The following MYO5B variants were observed in gnomAD, a reference collection of about 807,000 sequenced individuals.
MYO5B encodes the protein myosin VB, also known as unconventional myosin-Vb.
In MYO5B, 143 loss-of-function variants were observed where a neutral mutation model predicts 229.3. The observed-to-expected ratio is 0.62, with a 90% CI of 0.54 to 0.72. The LOEUF (loss-of-function observed/expected upper bound fraction) is 0.72. Among genes scored for constraint, MYO5B ranks in the 30% least tolerant of loss-of-function variants. The pLI, the probability that MYO5B is intolerant of heterozygous loss-of-function variation, is 0.00. For missense variants in MYO5B, 2,321 were observed against 2,331.0 expected (o/e 1.00, Z 0.09); for synonymous variants, 918 against 885.2 (o/e 1.04, Z -0.66).
intron 1 of MYO5B, among the ~76,000 whole-genome samples, chr18:50,075,595 T>TCCTA (rs890413173): frequency 6.6e-6 from 1 of 152,120 alleles, no homozygotes; most frequent in Non-Finnish European, 1.5e-5. Context: ...CAAGCCTAGA[T>TCCTA]CCTAGTGTGA....
chr18:49,982,808 AG>A (rs1568058197), intron 8 of MYO5B, among the ~76,000 whole-genome samples: 2 of 152,238 alleles, frequency 1.3e-5, no homozygotes, highest in Non-Finnish European at 2.9e-5. Context: ...CAATTAAAAA[AG>A]GGACATGTTT....
chr18:49,924,024 T>C (rs2025103355), intron 17 of MYO5B, among the ~76,000 whole-genome samples: 1 of 152,182 alleles, frequency 6.6e-6, no homozygotes, highest in Admixed American at 6.5e-5. Flanking sequence ...TCTTGTACAG[T>C]GATCCTCAAC....
intron 16 of MYO5B, among the ~76,000 whole-genome samples, chr18:49,932,968 G>A (rs1027510494): frequency 1.3e-5 from 2 of 152,152 alleles, no homozygotes; most frequent in Non-Finnish European, 2.9e-5. Flanking sequence ...AATCACCAAA[G>A]ACATAGAAGG....
Position 50,040,282 on chromosome 18 carries a change from G to T in MYO5B, c.171C>A (p.Asn57Lys). ...CTGGATTCCGTAAGAAGGGCAGCTG[G>T]TTGCGTTGTACATCAATTGGGTATT... is the stretch of plus-strand genomic sequence containing the variant. Reference protein sequence around the residue: ...ILEYPIDVQRNQLPFLRNPDI... With the variant: ...ILEYPIDVQRKQLPFLRNPDI... The change falls in exon 3 of 40, where the codon AAC becomes AAA. Residue 57 changes from asparagine (N) to lysine (K), a missense_variant. Coordinates refer to ENST00000285039, the MANE Select transcript of MYO5B (RefSeq NM_001080467.3). 6.2e-7 allele frequency: 1 copy of T among 1,614,066 alleles called. No homozygotes were observed. The highest frequency in any genetic ancestry group is 8.5e-7 in the Non-Finnish European group (1 of 1,180,000).
chr18:49,850,389 G>T (rs1324954160), intron 31 of MYO5B: 1 of 152,908 alleles, frequency 6.5e-6, no homozygotes, highest in Admixed American at 6.5e-5. Flanking sequence ...CACATTGGGT[G>T]ACAACTTTTT....
intron 1 of MYO5B, among the ~76,000 whole-genome samples, chr18:50,189,949 T>C (rs895127216): frequency 6.6e-6 from 1 of 152,164 alleles, no homozygotes; most frequent in Non-Finnish European, 1.5e-5. Context: ...GCCATACATA[T>C]GGTGTGTCTG....
At chr18:50,044,850 G>C (rs920485697) in intron 2 of MYO5B, among the ~76,000 whole-genome samples, 6 of 151,990 alleles carry the variant, frequency 3.9e-5, no homozygotes, top group Non-Finnish European at 1.5e-5. Context: ...CTTTGTCCAG[G>C]GGGGTTTGGG....
chr18:49,905,389 C>T (rs758021950), intron 19 of MYO5B, among the ~76,000 whole-genome samples: 1 of 152,126 alleles, frequency 6.6e-6, no homozygotes, highest in African/African-American at 2.4e-5. Context: ...CCTCTCTTGC[C>T]TTTCTGCCTT....
At chr18:50,112,343 A>G (rs760859771) in intron 1 of MYO5B, among the ~76,000 whole-genome samples, 7 of 152,184 alleles carry the variant, frequency 4.6e-5, no homozygotes, top group Non-Finnish European at 8.8e-5. Flanking sequence ...GCTATTAAGG[A>G]TAAATATGGA....
In MYO5B at chr18:49,984,807, A is replaced by G; in HGVS notation, c.857T>C (p.Phe286Ser). The G allele has an allele frequency of 6.2e-7, 1 of 1,612,734 alleles. No individual in the cohort carries two copies. The highest frequency in any genetic ancestry group is 8.5e-7 in the Non-Finnish European group (1 of 1,178,744). ...AGTGTCTCCTCCCTGTGATGTATAG[A>G]AAAAGTCCTCTGCACTTGCTGTGGG... ...ELALTSAEDFFYTSQGGDTSI... is the reference protein window; with the variant it reads ...ELALTSAEDFSYTSQGGDTSI... The change falls in exon 8 of 40, where the codon TTC (phenylalanine) becomes TCC (serine). Residue 286 changes from phenylalanine to serine, a missense_variant. This residue lies in a region of MYO5B where 2,113 missense variants were observed against 2,044.7 expected (regional missense o/e 1.03). Transcript: ENST00000285039.
intron 31 of MYO5B, among the ~76,000 whole-genome samples, chr18:49,853,059 C>A (rs563356625): frequency 1.3e-5 from 2 of 152,328 alleles, no homozygotes; most frequent in South Asian, 4.1e-4. Flanking sequence ...ATCTCTCTCT[C>A]GCCATATCTG....
chr18:50,079,458 C>A (rs949936023), intron 1 of MYO5B, among the ~76,000 whole-genome samples: 3 of 151,892 alleles, frequency 2.0e-5, no homozygotes, highest in Non-Finnish European at 4.4e-5. Context: ...CACTGCCTCC[C>A]TCTCACACTT....
At chr18:50,063,974 G>A (rs895013229) in intron 1 of MYO5B, 1 of 152,406 alleles carries the variant, frequency 6.6e-6, no homozygotes, top group Non-Finnish European at 1.5e-5. Flanking sequence ...GGTGTACAAG[G>A]AACACTGCTG....
At chr18:49,858,944 G>A (rs1425364964) in intron 29 of MYO5B, among the ~76,000 whole-genome samples, 1 of 152,210 alleles carries the variant, frequency 6.6e-6, no homozygotes, top group Admixed American at 6.5e-5. Flanking sequence ...AAAAGAAAAA[G>A]CCCAAACTAC....
intron 1 of MYO5B, among the ~76,000 whole-genome samples, chr18:50,078,392 T>C (rs16951461): frequency 1.3e-5 from 2 of 152,162 alleles, no homozygotes; most frequent in East Asian, 1.9e-4. Flanking sequence ...AATTTTTCTA[T>C]GCAAGTCCCC....
intron 12 of MYO5B, among the ~76,000 whole-genome samples, chr18:49,957,646 T>TCAAAA (rs142681794): frequency 0.21 from 25,209 of 119,168 alleles, 2,857 homozygotes; most frequent in Middle Eastern, 0.35. Context: ...AGACACTGTC[T>TCAAAA]CAAAACAAAA....
chr18:49,872,793 C>A (rs926557438), intron 26 of MYO5B, among the ~76,000 whole-genome samples: 1 of 152,192 alleles, frequency 6.6e-6, no homozygotes, highest in Non-Finnish European at 1.5e-5. Flanking sequence ...TTAAAGCCTT[C>A]AAGAGAAGAC....
At chr18:49,942,394 A>AC (rs1490149227) in intron 14 of MYO5B, among the ~76,000 whole-genome samples, 3 of 141,770 alleles carry the variant, frequency 2.1e-5, no homozygotes, top group Non-Finnish European at 4.6e-5. Flanking sequence ...AAAAAAAAAA[A>AC]AAAAAAAAAA....
In MYO5B at chr18:49,864,311, C is replaced by T. The variant is rs780544339; in HGVS notation, c.3673G>A (p.Asp1225Asn). ...CTGGAGTTATTCTGCGTGGCTTGGT[C>T]GGCCACGGCTTTCCTCAGCTCATTC... ...DLNELRKAVA[D>N]QATQNNSSHG... is the part of the protein sequence containing the mutation. The change falls in exon 28 of 40, where the codon GAC becomes AAC. Residue 1225 changes from aspartate to asparagine, a missense_variant. By Grantham distance (23) the Asp-to-Asn change is conservative (BLOSUM62 1). Around this residue, in one of 2 missense-constraint regions of MYO5B, gnomAD observed 2,113 missense variants for 2,044.7 expected, o/e 1.03. Coordinates refer to ENST00000285039, the MANE Select transcript of MYO5B (RefSeq NM_001080467.3). 3 of 1,614,076 alleles carry T rather than the reference C, an allele frequency of 1.9e-6. No homozygotes were observed. The highest frequency in any genetic ancestry group is 1.6e-4 in the Middle Eastern group (1 of 6,062).
Sources: gnomAD v4.1 joint callset for allele counts (sites outside exome capture counted in the v4.1 genomes callset) on GRCh38, gnomAD v4.1.1 for gene constraint, gnomAD v4.1.1 regional missense constraint, MANE v1.5 for transcripts, NCBI Gene and HGNC (gene_info 2026-07-23, HGNC 2026-07-21) for gene names.